Variants in SNTG1 observed in about 807,000 individuals in gnomAD.
The protein encoded by SNTG1 is syntrophin gamma 1, also known as gamma-1-syntrophin.
A neutral mutation model predicts 74.7 loss-of-function variants in SNTG1; 39 were observed. That is an observed-to-expected ratio of 0.52 (90% CI 0.40 to 0.68). The LOEUF is 0.68. Among genes scored for constraint, SNTG1 ranks in the 30% least tolerant of loss-of-function variants. The pLI, the probability that SNTG1 is intolerant of heterozygous loss-of-function variation, is 0.00. For synonymous variants in SNTG1, 254 were observed against 217.1 expected (o/e 1.17, Z -1.49); for missense variants, 685 against 609.5 (o/e 1.12, Z -1.30).
At chr8:50,529,812 A>G (rs1272702386) in intron 9 of SNTG1, among the ~76,000 whole-genome samples, 1 of 152,092 alleles carries the variant, frequency 6.6e-6, no homozygotes, top group East Asian at 1.9e-4. Context: ...TTGAAATATG[A>G]CATTAAATAG....
intron 9 of SNTG1, among the ~76,000 whole-genome samples, chr8:50,525,817 G>C (rs1314811380): frequency 7.1e-6 from 1 of 140,612 alleles, no homozygotes; most frequent in East Asian, 2.0e-4. Context: ...TGATTATTTT[G>C]TGTTTTTAAA....
intron 1 of SNTG1, among the ~76,000 whole-genome samples, chr8:49,994,045 T>G (rs1813947452): frequency 6.6e-6 from 1 of 152,106 alleles, no homozygotes; most frequent in African/African-American, 2.4e-5. Flanking sequence ...GTCTGTAGTT[T>G]ATTGAATTTT....
chr8:50,430,067 G>A (rs974351384), intron 4 of SNTG1, among the ~76,000 whole-genome samples: 3 of 151,972 alleles, frequency 2.0e-5, no homozygotes, highest in Admixed American at 6.6e-5. Flanking sequence ...TTCAATACTT[G>A]GTATATATGC....
intron 1 of SNTG1, among the ~76,000 whole-genome samples, chr8:50,018,959 C>T (rs1001903736): frequency 2.5e-4 from 38 of 151,880 alleles, no homozygotes; most frequent in African/African-American, 8.7e-4. Context: ...TATGATCCAG[C>T]AAATCTACTC....
chr8:50,358,673 T>A (rs964131196), intron 2 of SNTG1, among the ~76,000 whole-genome samples: 1 of 152,218 alleles, frequency 6.6e-6, no homozygotes, highest in Non-Finnish European at 1.5e-5. Context: ...AAATGACTGA[T>A]GAAAGTATTA....
chr8:49,922,705 T>C (rs981290071), intron 1 of SNTG1, among the ~76,000 whole-genome samples: 2 of 152,156 alleles, frequency 1.3e-5, no homozygotes, highest in Non-Finnish European at 2.9e-5. Flanking sequence ...TAACAACCCA[T>C]GGTCATGAAT....
At chr8:50,505,454 C>A (rs1187153527) in intron 9 of SNTG1, among the ~76,000 whole-genome samples, 1 of 152,082 alleles carries the variant, frequency 6.6e-6, no homozygotes, top group Non-Finnish European at 1.5e-5. Flanking sequence ...TCTTAAGTAA[C>A]AGGCAAAGCT....
intron 1 of SNTG1, among the ~76,000 whole-genome samples, chr8:50,062,524 T>G (rs1820563548): frequency 6.6e-6 from 1 of 152,238 alleles, no homozygotes; most frequent in Non-Finnish European, 1.5e-5. Flanking sequence ...CTAGCAATTT[T>G]CTTTGTTTTG....
chr8:50,196,257 C>A (rs1563725647), intron 2 of SNTG1, among the ~76,000 whole-genome samples: 1 of 152,060 alleles, frequency 6.6e-6, no homozygotes, highest in Non-Finnish European at 1.5e-5. Context: ...GGACAGAAGA[C>A]CCTGATTTGC....
intron 1 of SNTG1, among the ~76,000 whole-genome samples, chr8:50,168,770 A>G (rs571206003): frequency 6.2e-4 from 94 of 152,274 alleles, no homozygotes; most frequent in African/African-American, 2.3e-3. Flanking sequence ...GAAACTTTTA[A>G]GATTTTAATT....
At chr8:50,136,559 C>T (rs369583382) in intron 1 of SNTG1, among the ~76,000 whole-genome samples, 6 of 152,140 alleles carry the variant, frequency 3.9e-5, no homozygotes, top group African/African-American at 1.4e-4. Flanking sequence ...CTAAAGGGCA[C>T]AGACTCCTTT....
At chr8:50,577,107 C>A (rs189966703) in intron 12 of SNTG1, among the ~76,000 whole-genome samples, 2 of 152,140 alleles carry the variant, frequency 1.3e-5, no homozygotes, top group South Asian at 4.2e-4. Flanking sequence ...TATTCCCTGG[C>A]GGTTTTTATG....
In SNTG1 at chr8:50,464,969, C is replaced by A. The variant is rs529383611; in HGVS notation, c.363+14240C>A. The stretch of plus-strand genomic sequence containing the variant: ...TGCTGTTGGAAAAAAAAAAAAAATG[C>A]TCTGATAGACTTTCTCCACACAGGC... On this transcript the variant is annotated intron_variant, in intron 8 of 18. Transcript: ENST00000642720. Among the ~76,000 whole-genome samples the A allele has an allele frequency of 1.6e-3, 213 of 132,494 alleles. 1 individual carries two copies. The highest frequency in any genetic ancestry group is 5.3e-3 in the African/African-American group (203 of 38,300). The allele number at this position is 132,494 out of a possible 152,430, so 86.9% of individuals were successfully genotyped here. A position where few individuals can be genotyped will look rare whatever the true frequency, so the allele number is the denominator to read the frequency against.
At chr8:50,497,115 C>T (rs73585115) in intron 8 of SNTG1, among the ~76,000 whole-genome samples, 4,629 of 151,626 alleles carry the variant, frequency 0.031, 235 homozygotes, top group African/African-American at 0.1. Flanking sequence ...ATTTTAAAAA[C>T]TCATTATCTC....
chr8:50,517,513 A>T (rs551971455), intron 9 of SNTG1, among the ~76,000 whole-genome samples: 70 of 152,030 alleles, frequency 4.6e-4, no homozygotes, highest in Non-Finnish European at 8.2e-4. Flanking sequence ...ATAAAGAGTC[A>T]AGAACCACTG....
At chr8:50,353,698 A>G (rs2091736823) in intron 2 of SNTG1, among the ~76,000 whole-genome samples, 1 of 152,178 alleles carries the variant, frequency 6.6e-6, no homozygotes, top group Non-Finnish European at 1.5e-5. Flanking sequence ...GTTTCCCCAC[A>G]ATGGGCCAAG....
chr8:50,366,776 C>A (rs2092123655), intron 2 of SNTG1, among the ~76,000 whole-genome samples: 1 of 137,434 alleles, frequency 7.3e-6, no homozygotes, highest in South Asian at 2.3e-4. Flanking sequence ...TATTTAAGAA[C>A]CAATATGGAA....
At chr8:50,610,001 C>T (rs1432614355) in intron 13 of SNTG1, among the ~76,000 whole-genome samples, 1 of 152,052 alleles carries the variant, frequency 6.6e-6, no homozygotes, top group Non-Finnish European at 1.5e-5. Flanking sequence ...TTTTTTCCCC[C>T]AGAAATGAAT....
Position 50,261,231 on chromosome 8 carries a change from G to A in SNTG1, c.-28+88596G>A, listed in dbSNP as rs114586099. Among the ~76,000 whole-genome samples, 1,508 of 152,210 alleles carry A rather than the reference G, an allele frequency of 9.9e-3. 32 individuals carry two copies. The highest frequency in any genetic ancestry group is 0.035 in the African/African-American group (1,437 of 41,550). On this transcript the variant is annotated intron_variant, in intron 2 of 18. Transcript: ENST00000642720. ...ACTCTTGTCATCAGAAACTATGCAA[G>A]CAAGAAGAAAATCAAGTAAAATATT...
Sources: gnomAD v4.1 joint callset for allele counts (sites outside exome capture counted in the v4.1 genomes callset) on GRCh38, gnomAD v4.1.1 for gene constraint, MANE v1.5 for transcripts, NCBI Gene and HGNC (gene_info 2026-07-23, HGNC 2026-07-21) for gene names.